Variants in TRUB1 observed in about 807,000 individuals in gnomAD.
TRUB1 encodes TruB pseudouridine synthase family member 1.
TRUB1 carries 23 observed loss-of-function variants against 33.9 expected under a neutral mutation model. That is an observed-to-expected ratio of 0.68 (90% confidence interval 0.49 to 0.96). TRUB1 has a LOEUF of 0.96. Ranked by LOEUF, TRUB1 falls within the 40% of genes least tolerant of loss-of-function variation. The probability of loss-of-function intolerance (pLI) is 0.00; values close to 1 mark genes in which losing one functional copy is unlikely to be tolerated. For missense variants in TRUB1, 378 were observed against 422.2 expected (o/e 0.90, Z 0.92); for synonymous variants, 163 against 165.4 (o/e 0.99, Z 0.11).
At chr10:114,975,078 A>T (rs766397566) in intron 7 of TRUB1, 45 bp from the exon 8 acceptor site, 35 of 1,567,458 alleles carry the variant, frequency 2.2e-5, no homozygotes, top group Non-Finnish European at 1.7e-6. Flanking sequence ...TGAAATACTG[A>T]ATCGTTTATC....
chr10:114,946,944 G>A (rs1019016789), intron 2 of TRUB1, among the ~76,000 whole-genome samples: 23 of 152,146 alleles, frequency 1.5e-4, no homozygotes, highest in African/African-American at 4.1e-4. Flanking sequence ...GAACATTAGG[G>A]TTGTAGATGG....
At chr10:114,966,285 A>T (rs1461491585) in intron 4 of TRUB1, among the ~76,000 whole-genome samples, 1 of 152,174 alleles carries the variant, frequency 6.6e-6, no homozygotes. Context: ...CTGTGTCAAA[A>T]AACAGTTGTC....
Position 114,943,948 on chromosome 10 carries a change from T to C in TRUB1, c.385+1205T>C, listed in dbSNP as rs982823144. 5.3e-5 allele frequency among the ~76,000 whole-genome samples: 8 copies of C among 151,790 alleles called. No homozygotes were observed. In the South Asian group the frequency reaches 1.0e-3, roughly 20 times the overall value. On this transcript the variant is annotated intron_variant, in intron 2 of 7. Coordinates refer to ENST00000298746, the MANE Select transcript of TRUB1 (RefSeq NM_139169.5). ...CCGTTTTATTGCTTGTGAAGGAAAA[T>C]TGGTAGAATTGATCGAAGGGAATAA... is the stretch of plus-strand genomic sequence containing the variant.
At chr10:114,940,151 C>T (rs1339256067) in intron 1 of TRUB1, among the ~76,000 whole-genome samples, 6 of 152,054 alleles carry the variant, frequency 3.9e-5, no homozygotes, top group East Asian at 1.9e-4. Flanking sequence ...GATGGAGTTT[C>T]GCTGTTGTTG....
intron 3 of TRUB1, among the ~76,000 whole-genome samples, chr10:114,954,144 A>G (rs1592050517): frequency 6.6e-6 from 1 of 152,110 alleles, no homozygotes; most frequent in African/African-American, 2.4e-5. Flanking sequence ...ATTTTGACAG[A>G]TGAATTTTTA....
rs904436677 is a variant in TRUB1, at chr10:114,973,023, AC to A, written c.736+750del. Reference sequence around the variant, plus strand: ...GAGCCTACCCTTAGTTTCACAGTGCACTGAATAGGATTCCGTTTAGAAATAA... The same window carrying A: ...GAGCCTACCCTTAGTTTCACAGTGCATGAATAGGATTCCGTTTAGAAATAA... On this transcript the variant is annotated intron_variant, in intron 6 of 7. Coordinates refer to ENST00000298746, the MANE Select transcript of TRUB1 (RefSeq NM_139169.5). Among the ~76,000 whole-genome samples the A allele has an allele frequency of 5.8e-4, 89 of 152,222 alleles. 1 individual carries two copies. Among genetic ancestry groups the A allele is most frequent in the African/African-American group, 2.0e-3 (84 of 41,554 alleles).
At chr10:114,963,772 C>G (rs1159115586) in intron 4 of TRUB1, among the ~76,000 whole-genome samples, 3 of 151,982 alleles carry the variant, frequency 2.0e-5, no homozygotes, top group African/African-American at 7.3e-5. Context: ...TTTTGAGATC[C>G]ATGTTGGTAC....
intron 1 of TRUB1, among the ~76,000 whole-genome samples, chr10:114,939,094 A>G (rs1266011534): frequency 6.6e-6 from 1 of 152,236 alleles, no homozygotes. Flanking sequence ...GCAATTCTAA[A>G]TAGTTGCTCC....
intron 3 of TRUB1, among the ~76,000 whole-genome samples, chr10:114,956,000 T>G (rs1313410364): frequency 2.6e-5 from 4 of 152,232 alleles, no homozygotes; most frequent in Non-Finnish European, 4.4e-5. Context: ...TCACAAGCTT[T>G]CAAAATCACA....
chr10:114,938,372 C>A lies in TRUB1; in HGVS notation c.119C>A (p.Ala40Glu). Residue 40 changes from alanine (A) to glutamate (E), a missense_variant, in exon 1 of 8, where the codon GCA becomes GAA. Transcript: ENST00000298746. ...GCTGCGACCCCGTCAGCAAGGGCTG[C>A]AGCCGCGGTGGTTGCGGCCGCGGCC... is the stretch of plus-strand genomic sequence containing the variant. ...AMAATPSARA[A>E]AAVVAAAART... 1 of 1,610,578 alleles carries A rather than the reference C, an allele frequency of 6.2e-7. No homozygotes were observed. The highest frequency in any genetic ancestry group is 8.5e-7 in the Non-Finnish European group (1 of 1,178,648).
intron 4 of TRUB1, among the ~76,000 whole-genome samples, chr10:114,960,871 GTATT>G (rs758849910): frequency 6.6e-6 from 1 of 152,004 alleles, no homozygotes; most frequent in Admixed American, 6.6e-5. Flanking sequence ...GGATACTAAA[GTATT>G]TATAAGTACT....
In TRUB1 at chr10:114,938,357, C is replaced by G. The variant is rs757044719; in HGVS notation, c.104C>G (p.Pro35Arg). The change falls in exon 1 of 8, where the codon CCG becomes CGG. Residue 35 changes from proline to arginine, a missense_variant. Coordinates refer to ENST00000298746, the MANE Select transcript of TRUB1 (RefSeq NM_139169.5). ...AGTVAAMAAT[P>R]SARAAAAVVA... ...ACGGTCGCAGCAATGGCTGCGACCC[C>G]GTCAGCAAGGGCTGCAGCCGCGGTG... 3.7e-6 allele frequency: 6 copies of G among 1,610,754 alleles called. No individual in the cohort carries two copies. In the South Asian group the frequency reaches 6.6e-5, roughly 18 times the overall value.
At chr10:114,954,611 G>T (rs78259025) in intron 3 of TRUB1, among the ~76,000 whole-genome samples, 4,857 of 151,910 alleles carry the variant, frequency 0.032, 124 homozygotes, top group African/African-American at 0.064. Context: ...GCCTTGGAGT[G>T]AGCTTTGTTC....
rs547486912 is a variant in TRUB1, at chr10:114,959,590, A to G, written c.442-136A>G. ...CTTTCCACATATTAAAAACAAAACA[A>G]TTGCAGTCTGTTGTTTTAGCCTGTA... On this transcript the variant is annotated intron_variant, in intron 3 of 7. Coordinates refer to ENST00000298746, the MANE Select transcript of TRUB1 (RefSeq NM_139169.5). The G allele has an allele frequency of 8.0e-5, 53 of 664,740 alleles. No homozygotes were observed. In the Middle Eastern group the frequency reaches 1.9e-3, roughly 24 times the overall value. 41.2% of individuals were successfully genotyped at this position (664,740 alleles called of 1,614,324 possible). A position where few individuals can be genotyped will look rare whatever the true frequency, so the allele number is the denominator to read the frequency against.
chr10:114,958,934 G>A lies in TRUB1; in HGVS notation c.442-792G>A, dbSNP rs929829769. On this transcript the variant is annotated intron_variant, in intron 3 of 7. Coordinates refer to ENST00000298746, the MANE Select transcript of TRUB1 (RefSeq NM_139169.5). ...GTGGATCACCTGAGGTCAGAAGTTC[G>A]AGACCAGCCTGACAACATGGTGAAA... 5.3e-5 allele frequency among the ~76,000 whole-genome samples: 8 copies of A among 151,940 alleles called. No individual in the cohort carries two copies. In the South Asian group the frequency reaches 8.3e-4, roughly 16 times the overall value.
chr10:114,962,237 G>T (rs1256988376), intron 4 of TRUB1, among the ~76,000 whole-genome samples: 1 of 152,088 alleles, frequency 6.6e-6, no homozygotes, highest in East Asian at 1.9e-4. Context: ...TGCATTTTTA[G>T]TAGAGGCAGG....
In TRUB1 at chr10:114,975,197, C is replaced by A. The variant is rs945765263; in HGVS notation, c.868C>A (p.Leu290Ile). 6.2e-7 allele frequency: 1 copy of A among 1,613,550 alleles called. No homozygotes were observed. ...ACCATTTACGCTAGAAGAACATGCC[C>A]TTCCTGAAGACAAATGGACAATTGA... is the stretch of plus-strand genomic sequence containing the variant. ...QGPFTLEEHA[L>I]PEDKWTIDDI... Residue 290 changes from leucine (L) to isoleucine (I), a missense_variant, in exon 8 of 8, where the codon CTT becomes ATT. By Grantham distance (5) the Leu-to-Ile change is conservative (BLOSUM62 2). Transcript: ENST00000298746.
intron 2 of TRUB1, among the ~76,000 whole-genome samples, chr10:114,949,487 CTT>C (rs559766791): frequency 6.8e-4 from 103 of 152,278 alleles, no homozygotes; most frequent in Non-Finnish European, 1.3e-3. Context: ...TTGGAATAGA[CTT>C]TATGAATGAG....
chr10:114,953,332 A>C (rs1369423846), intron 3 of TRUB1, among the ~76,000 whole-genome samples: 3 of 152,224 alleles, frequency 2.0e-5, no homozygotes, highest in African/African-American at 4.8e-5. Context: ...AGGTATTTCA[A>C]AAATAGGCAT....
Sources: allele counts gnomAD v4.1 joint callset (sites outside exome capture counted in the v4.1 genomes callset), GRCh38; gene constraint gnomAD v4.1.1; transcripts MANE v1.5; gene names NCBI Gene and HGNC (gene_info 2026-07-23, HGNC 2026-07-21).